Variants in MGAT4D observed in about 807,000 individuals in gnomAD.
The protein encoded by MGAT4D is MGAT4 family member D, also known as alpha-1,3-mannosyl-glycoprotein 4-beta-N-acetylglucosaminyltransferase-like protein MGAT4D.
A neutral mutation model predicts 15.9 loss-of-function variants in MGAT4D; 34 were observed. That is an observed-to-expected ratio of 2.14 (90% CI 1.62 to 2.84). The LOEUF is 2.84. MGAT4D is among the 30% of genes most tolerant of loss of function. MGAT4D has a pLI of 0.00. For missense variants in MGAT4D, 327 were observed against 140.2 expected (o/e 2.33, Z -6.73); for synonymous variants, 112 against 48.2 (o/e 2.33, Z -5.49).
intron 10 of MGAT4D, among the ~76,000 whole-genome samples, chr4:140,445,844 G>A (rs1730087347): frequency 6.6e-6 from 1 of 152,144 alleles, no homozygotes; most frequent in South Asian, 2.1e-4. Context: ...GGCTGTAGAT[G>A]TGTGGCATTA....
chr4:140,479,772 T>G (rs969741255), intron 2 of MGAT4D, 145 bp from the exon 3 acceptor site: 12 of 293,024 alleles, frequency 4.1e-5, no homozygotes, highest in African/African-American at 2.2e-4. Flanking sequence ...TGTAAATTAT[T>G]AAAATAATAA....
At position 140,472,228 on chromosome 4, in the gene MGAT4D, A is replaced by T. The variant is rs545870155; in HGVS notation, c.526-407T>A. ...ATTTCCTGAGTATTATATGACAATA[A>T]GCCTACTTCAAAATTACATCATATT... On this transcript the variant is annotated intron_variant, in intron 4 of 10. Transcript: ENST00000511113. 2.0e-5 allele frequency among the ~76,000 whole-genome samples: 3 copies of T among 152,294 alleles called. No individual in the cohort carries two copies. In the South Asian group the frequency reaches 6.2e-4, roughly 32 times the overall value.
intron 10 of MGAT4D, among the ~76,000 whole-genome samples, chr4:140,444,833 C>G (rs1451560714): frequency 1.3e-5 from 2 of 151,178 alleles, no homozygotes; most frequent in African/African-American, 4.9e-5. Flanking sequence ...TCTGCCAGCA[C>G]TGTATAAGTG....
intron 1 of MGAT4D, among the ~76,000 whole-genome samples, chr4:140,482,758 T>C (rs1031512541): frequency 6.6e-6 from 1 of 152,114 alleles, no homozygotes; most frequent in Non-Finnish European, 1.5e-5. Context: ...TTTTTTCCTT[T>C]ATTACTCTGT....
intron 1 of MGAT4D, among the ~76,000 whole-genome samples, chr4:140,487,088 G>A (rs568869986): frequency 1.2e-4 from 18 of 152,164 alleles, no homozygotes; most frequent in Non-Finnish European, 2.4e-4. Flanking sequence ...ATAAAGAAAT[G>A]TTAAAGGACA....
At chr4:140,451,994 C>CA (rs34218902) in intron 9 of MGAT4D, among the ~76,000 whole-genome samples, 2 of 144,948 alleles carry the variant, frequency 1.4e-5, no homozygotes, top group African/African-American at 5.1e-5. Context: ...ATAATTTTCT[C>CA]AAAAAAAAAA....
intron 5 of MGAT4D, among the ~76,000 whole-genome samples, chr4:140,468,670 T>A (rs1731709680): frequency 1.3e-5 from 2 of 152,146 alleles, no homozygotes; most frequent in Non-Finnish European, 2.9e-5. Flanking sequence ...ATAAGGTAAC[T>A]TTTTTCCTGG....
chr4:140,495,507 C>A (rs1164339834), intron 1 of MGAT4D, among the ~76,000 whole-genome samples: 2 of 152,174 alleles, frequency 1.3e-5, no homozygotes, highest in African/African-American at 4.8e-5. Context: ...TTCAACCATT[C>A]ATTTATTCAT....
chr4:140,492,758 T>G (rs907292320), intron 1 of MGAT4D, among the ~76,000 whole-genome samples: 6 of 152,166 alleles, frequency 3.9e-5, no homozygotes, highest in African/African-American at 1.4e-4. Context: ...AAAGAAAGTT[T>G]CAAGTTGACT....
chr4:140,479,371 G>C (rs1732543570), intron 3 of MGAT4D, 119 bp downstream of exon 3: 2 of 361,088 alleles, frequency 5.5e-6, no homozygotes, highest in Non-Finnish European at 1.0e-5. Context: ...ATTAATGCCA[G>C]ATAGGCTGTA....
At chr4:140,461,681 G>C (rs892009531) in intron 7 of MGAT4D, among the ~76,000 whole-genome samples, 14 of 151,964 alleles carry the variant, frequency 9.2e-5, no homozygotes, top group African/African-American at 3.4e-4. Flanking sequence ...AATTTTCTCT[G>C]TAACAGTGAA....
chr4:140,494,675 C>A (rs769278496), intron 1 of MGAT4D, among the ~76,000 whole-genome samples: 1 of 152,178 alleles, frequency 6.6e-6, no homozygotes, highest in Non-Finnish European at 1.5e-5. Flanking sequence ...CGGTAAATGG[C>A]AGCTCCATTT....
At position 140,442,782 on chromosome 4, in the gene MGAT4D, T is replaced by C. The variant is rs1200798538; in HGVS notation, c.*654A>G. ...AACCACTATGCAAGTAATTTAGAAA[T>C]TAACAATAAAAGATGGAGAAAACCA... On this transcript the variant is annotated 3_prime_UTR_variant, in exon 11 of 11. Coordinates refer to ENST00000511113, the MANE Select transcript of MGAT4D (RefSeq NM_001277353.2). 1 of 151,820 alleles carries C rather than the reference T, an allele frequency of 6.6e-6. No homozygotes were observed. Among genetic ancestry groups the C allele is most frequent in the Admixed American group, 6.6e-5 (1 of 15,228 alleles). The allele number at this position is 151,820 out of a possible 1,614,324, so 9.4% of individuals were successfully genotyped here.
At chr4:140,471,256 TTCC>T (rs1184883483) in intron 5 of MGAT4D, among the ~76,000 whole-genome samples, 2 of 148,530 alleles carry the variant, frequency 1.3e-5, no homozygotes, top group Non-Finnish European at 3.0e-5. Context: ...CCTTCCTTCC[TTCC>T]TTCCTTCCTT....
intron 1 of MGAT4D, among the ~76,000 whole-genome samples, chr4:140,496,970 AGAG>A (rs1733878892): frequency 6.6e-6 from 1 of 152,228 alleles, no homozygotes. Flanking sequence ...TAGAAAATGA[AGAG>A]GAGGGAAACT....
At chr4:140,495,579 A>G (rs1733783603) in intron 1 of MGAT4D, among the ~76,000 whole-genome samples, 1 of 152,202 alleles carries the variant, frequency 6.6e-6, no homozygotes, top group African/African-American at 2.4e-5. Flanking sequence ...CACAGTAGTG[A>G]ACACAACAGA....
intron 10 of MGAT4D, among the ~76,000 whole-genome samples, chr4:140,446,799 T>G (rs1209804699): frequency 1.4e-5 from 2 of 139,622 alleles, no homozygotes; most frequent in Non-Finnish European, 3.1e-5. Context: ...TGATGTTAGA[T>G]TGTTAACTTG....
At chr4:140,496,930 C>T (rs980303307) in intron 1 of MGAT4D, among the ~76,000 whole-genome samples, 1 of 152,014 alleles carries the variant, frequency 6.6e-6, no homozygotes, top group Admixed American at 6.6e-5. Flanking sequence ...GTTCATTGTG[C>T]TAAAATAGAC....
intron 2 of MGAT4D, among the ~76,000 whole-genome samples, chr4:140,480,717 C>T (rs1408424023): frequency 6.9e-6 from 1 of 145,578 alleles, no homozygotes; most frequent in African/African-American, 2.5e-5. Flanking sequence ...ATAGCAAGAC[C>T]CTCATCTCTA....
Sources: allele counts gnomAD v4.1 joint callset (sites outside exome capture counted in the v4.1 genomes callset), GRCh38; gene constraint gnomAD v4.1.1; transcripts MANE v1.5; gene names NCBI Gene and HGNC (gene_info 2026-07-23, HGNC 2026-07-21).